The following TENM4 variants were observed in gnomAD, a reference collection of about 807,000 sequenced individuals.
TENM4 encodes teneurin-4.
A neutral mutation model predicts 243.3 loss-of-function variants in TENM4; 82 were observed. The ratio of observed to expected loss-of-function variants is 0.34; its 90% CI spans 0.28 to 0.40. TENM4 has a LOEUF of 0.40. TENM4 is among the 10% of genes least tolerant of loss of function. TENM4 has a pLI of 1.00. For missense variants in TENM4, 3,138 were observed against 3,673.3 expected, an observed-to-expected ratio of 0.85 and a Z score of 3.77; for synonymous variants, 1,412 against 1,456.3, an observed-to-expected ratio of 0.97 and a Z score of 0.69.
Position 79,177,097 on chromosome 11 carries a change from G to A in TENM4, c.-162-28291C>T, listed in dbSNP as rs144483949. Among the ~76,000 whole-genome samples, 507 of 151,914 alleles carry A rather than the reference G, an allele frequency of 3.3e-3. 3 individuals are homozygous for A. Among genetic ancestry groups the A allele is most frequent in the African/African-American group, 0.012 (482 of 41,396 alleles). ...GTTCTAAGCCCTAACATGGTGACCCGTGGCCTAGAACAGTTGTTTTAAACG... is the reference window on the plus strand; with the variant it reads ...GTTCTAAGCCCTAACATGGTGACCCATGGCCTAGAACAGTTGTTTTAAACG... On this transcript the variant is annotated intron_variant, in intron 3 of 33. Transcript: ENST00000278550.
intron 1 of TENM4, among the ~76,000 whole-genome samples, chr11:79,396,999 A>AGGG (rs1858359290): frequency 6.6e-6 from 1 of 152,180 alleles, no homozygotes; most frequent in African/African-American, 2.4e-5. Flanking sequence ...CACTGTGTCA[A>AGGG]GGGGGCTTCA....
In TENM4 at chr11:78,812,308, G is replaced by A; in HGVS notation, c.1792C>T (p.Pro598Ser). The change falls in exon 14 of 34, where the codon CCC becomes TCC. Residue 598 changes from proline to serine, a missense_variant. By Grantham distance (74) the Pro-to-Ser change is moderately conservative. Around this residue, in one of 2 missense-constraint regions of TENM4, gnomAD observed 2,467 missense variants for 3,059.1 expected, o/e 0.81. Coordinates refer to ENST00000278550, the MANE Select transcript of TENM4 (RefSeq NM_001098816.3). ...LGPDCGRASC[P>S]VLCSGNGQYM... ...TGGCCATTTCCGCTACAGAGCACGG[G>A]GCAGGAGGCTGGGGAGACAGCACCG... The A allele has an allele frequency of 1.3e-6, 2 of 1,551,140 alleles. No individual in the cohort carries two copies. Among genetic ancestry groups the A allele is most frequent in the East Asian group, 4.9e-5 (2 of 40,874 alleles).
intron 6 of TENM4, among the ~76,000 whole-genome samples, chr11:79,063,005 G>A (rs932731522): frequency 3.9e-5 from 6 of 152,076 alleles, no homozygotes; most frequent in African/African-American, 1.2e-4. Context: ...GGGGACCAAC[G>A]GAGAGTGACA....
At chr11:79,236,959 G>A (rs940380098) in intron 2 of TENM4, among the ~76,000 whole-genome samples, 1 of 152,126 alleles carries the variant, frequency 6.6e-6, no homozygotes, top group Non-Finnish European at 1.5e-5. Context: ...AGACAAAGGG[G>A]ATTCCGTTAA....
At chr11:78,865,426 T>C (rs1327292794) in intron 9 of TENM4, among the ~76,000 whole-genome samples, 2 of 152,202 alleles carry the variant, frequency 1.3e-5, no homozygotes, top group African/African-American at 2.4e-5. Flanking sequence ...TCTTGCTTGG[T>C]GTATCTATCA....
Position 79,286,599 on chromosome 11 carries a change from G to A in TENM4, c.-265+10889C>T, listed in dbSNP as rs568301519. Among the ~76,000 whole-genome samples the A allele has an allele frequency of 7.2e-5, 11 of 152,136 alleles. No homozygotes were observed. The East Asian group carries it at 2.1e-3, about 29-fold the overall frequency. ...CAGGAGAATTGATTGAACCCAGGAG[G>A]CAGAGGTTGCAGTGAGCCAGAATCG... On this transcript the variant is annotated intron_variant, in intron 2 of 33. Coordinates refer to ENST00000278550, the MANE Select transcript of TENM4 (RefSeq NM_001098816.3).
Position 79,139,091 on chromosome 11 carries a change from T to C in TENM4, c.-66+9619A>G, listed in dbSNP as rs1285254737. ...TCTATAAATATATATTATATTTCTA[T>C]AAATATATAAAATATATATTATATT... On this transcript the variant is annotated intron_variant, in intron 4 of 33. Transcript: ENST00000278550. Among the ~76,000 whole-genome samples the C allele has an allele frequency of 2.1e-3, 70 of 33,674 alleles. 3 individuals are homozygous for C. The highest frequency in any genetic ancestry group is 6.8e-3 in the African/African-American group (31 of 4,568). 22.1% of individuals were successfully genotyped at this position (33,674 alleles called of 152,430 possible).
intron 29 of TENM4, 77 bp from the exon 30 acceptor site, chr11:78,676,464 A>C: frequency 8.1e-7 from 1 of 1,233,522 alleles, no homozygotes. Flanking sequence ...GAGGCGGTGG[A>C]GGGGACTTTA....
intron 4 of TENM4, among the ~76,000 whole-genome samples, chr11:79,087,407 G>A (rs1035009882): frequency 6.6e-6 from 1 of 152,174 alleles, no homozygotes; most frequent in Non-Finnish European, 1.5e-5. Context: ...ATGCTGAGAG[G>A]ATTCTGATCA....
intron 1 of TENM4, among the ~76,000 whole-genome samples, chr11:79,427,643 G>A (rs570143732): frequency 6.6e-6 from 1 of 152,204 alleles, no homozygotes; most frequent in East Asian, 1.9e-4. Context: ...TGTTCTCTGT[G>A]TTATCTTAGG....
chr11:78,749,792 T>C (rs1191463921), intron 19 of TENM4, among the ~76,000 whole-genome samples: 1 of 152,224 alleles, frequency 6.6e-6, no homozygotes, highest in Non-Finnish European at 1.5e-5. Flanking sequence ...CACTCCTGTT[T>C]AGAGCCAGTT....
chr11:79,336,656 A>G (rs1470224888), intron 1 of TENM4, among the ~76,000 whole-genome samples: 1 of 152,248 alleles, frequency 6.6e-6, no homozygotes, highest in East Asian at 1.9e-4. Flanking sequence ...TGGGAATTAC[A>G]ATGCCACTTT....
intron 4 of TENM4, among the ~76,000 whole-genome samples, chr11:79,099,402 G>C (rs529821799): frequency 6.6e-6 from 1 of 152,120 alleles, no homozygotes; most frequent in South Asian, 2.1e-4. Flanking sequence ...ATGGGGAGAG[G>C]TCAGAGTCAT....
At chr11:79,339,796 G>A (rs956032671) in intron 1 of TENM4, among the ~76,000 whole-genome samples, 4 of 152,068 alleles carry the variant, frequency 2.6e-5, no homozygotes, top group African/African-American at 9.7e-5. Flanking sequence ...AAGAGAGGAG[G>A]AGGGATGAAG....
intron 6 of TENM4, among the ~76,000 whole-genome samples, chr11:79,033,478 G>A (rs1356134333): frequency 2.6e-5 from 4 of 152,150 alleles, no homozygotes; most frequent in East Asian, 1.9e-4. Context: ...CCAACAATGC[G>A]GTGAACAAAG....
chr11:78,800,732 CA>C (rs1315934127), intron 15 of TENM4, among the ~76,000 whole-genome samples: 1 of 110,372 alleles, frequency 9.1e-6, no homozygotes, highest in Non-Finnish European at 1.9e-5. Context: ...ACAGAGTTCA[CA>C]GGGGAGAGAG....
At chr11:78,768,462 A>G (rs1856584463) in intron 18 of TENM4, among the ~76,000 whole-genome samples, 1 of 152,148 alleles carries the variant, frequency 6.6e-6, no homozygotes, top group Admixed American at 6.5e-5. Flanking sequence ...TATCCTGGCA[A>G]TTGTCCCACT....
At position 78,721,784 on chromosome 11, in the gene TENM4, C is replaced by G. The variant is rs181050667; in HGVS notation, c.3800+884G>C. Among the ~76,000 whole-genome samples the G allele has an allele frequency of 5.8e-4, 88 of 152,294 alleles. 1 individual carries two copies. Among genetic ancestry groups the G allele is most frequent in the African/African-American group, 2.0e-3 (84 of 41,568 alleles). On this transcript the variant is annotated intron_variant, in intron 24 of 33. Coordinates refer to ENST00000278550, the MANE Select transcript of TENM4 (RefSeq NM_001098816.3). ...CCCTGGCCCAGAAGACAGGCAGATTCCATTCCCTAAAGGAGTTGGGAGGGA... is the reference window on the plus strand; with the variant it reads ...CCCTGGCCCAGAAGACAGGCAGATTGCATTCCCTAAAGGAGTTGGGAGGGA...
intron 2 of TENM4, among the ~76,000 whole-genome samples, chr11:79,263,338 T>A (rs960319806): frequency 6.6e-6 from 1 of 152,222 alleles, no homozygotes; most frequent in African/African-American, 2.4e-5. Flanking sequence ...CACCTGGCCT[T>A]GTCTGTAAGT....
Sources: gnomAD v4.1 joint callset for allele counts (sites outside exome capture counted in the v4.1 genomes callset) on GRCh38, gnomAD v4.1.1 for gene constraint, gnomAD v4.1.1 regional missense constraint, MANE v1.5 for transcripts, NCBI Gene and HGNC (gene_info 2026-07-23, HGNC 2026-07-21) for gene names.